Variants in MAP2K5 observed in about 807,000 individuals in gnomAD.
MAP2K5 encodes the protein dual specificity mitogen-activated protein kinase kinase 5.
MAP2K5 carries 49 observed loss-of-function variants against 83.1 expected under a neutral mutation model. The ratio of observed to expected loss-of-function variants is 0.59; its 90% CI spans 0.47 to 0.75. The LOEUF (loss-of-function observed/expected upper bound fraction) is 0.75, where lower values mean the gene tolerates loss of function less well. Among genes scored for constraint, MAP2K5 ranks in the 30% least tolerant of loss-of-function variants. The pLI is 0.00. For missense variants in MAP2K5, 457 were observed against 557.5 expected (o/e 0.82, Z 1.82); for synonymous variants, 202 against 191.8 (o/e 1.05, Z -0.44).
intron 9 of MAP2K5, among the ~76,000 whole-genome samples, chr15:67,634,540 T>A (rs2086555784): frequency 6.6e-6 from 1 of 152,112 alleles, no homozygotes; most frequent in Non-Finnish European, 1.5e-5. Flanking sequence ...AAGAGGGGTG[T>A]TGAAATACTC....
intron 16 of MAP2K5, among the ~76,000 whole-genome samples, chr15:67,707,043 G>A (rs1244611472): frequency 6.6e-6 from 1 of 152,144 alleles, no homozygotes; most frequent in Non-Finnish European, 1.5e-5. Context: ...AGCCTCCCGA[G>A]TAGCTGGGAC....
intron 3 of MAP2K5, among the ~76,000 whole-genome samples, chr15:67,564,786 G>T (rs1345045434): frequency 1.3e-5 from 2 of 152,194 alleles, no homozygotes; most frequent in Admixed American, 1.3e-4. Context: ...CACACACACA[G>T]ATGGGTTCTA....
chr15:67,696,729 G>C (rs1232134860), intron 15 of MAP2K5, among the ~76,000 whole-genome samples: 3 of 152,184 alleles, frequency 2.0e-5, no homozygotes, highest in Admixed American at 6.5e-5. Flanking sequence ...TGTAATCCCA[G>C]CACTTTGGGA....
intron 7 of MAP2K5, among the ~76,000 whole-genome samples, chr15:67,596,587 T>A (rs1031070062): frequency 6.6e-6 from 1 of 152,218 alleles, no homozygotes; most frequent in Non-Finnish European, 1.5e-5. Flanking sequence ...GAAACATAAA[T>A]GAGGCTGTGT....
At position 67,719,648 on chromosome 15, in the gene MAP2K5, C is replaced by A. The variant is rs2088906197; in HGVS notation, c.1045-8268C>A. On this transcript the variant is annotated intron_variant, in intron 16 of 21. Transcript: ENST00000178640. This position sits in a 1 kb window ranked among gnomAD's most constrained non-coding sequence, Gnocchi z 4.6. Reference sequence around the variant, plus strand: ...TGGGTAGAGTCTTCTAGGATTAACTCCTGACAGAAGAGGAGAAAAGGAGGA... The same window carrying A: ...TGGGTAGAGTCTTCTAGGATTAACTACTGACAGAAGAGGAGAAAAGGAGGA... 6.6e-6 allele frequency among the ~76,000 whole-genome samples: 1 copy of A among 152,068 alleles called. No homozygotes were observed. Among genetic ancestry groups the A allele is most frequent in the Non-Finnish European group, 1.5e-5 (1 of 68,004 alleles).
intron 19 of MAP2K5, among the ~76,000 whole-genome samples, chr15:67,761,993 G>A (rs1454969983): frequency 6.6e-6 from 1 of 152,170 alleles, no homozygotes; most frequent in Non-Finnish European, 1.5e-5. Flanking sequence ...CACTGTATAG[G>A]AACAAGGTAA....
intron 4 of MAP2K5, 104 bp from the exon 5 acceptor site, chr15:67,585,786 C>T: frequency 1.1e-6 from 1 of 950,118 alleles, no homozygotes; most frequent in African/African-American, 1.6e-5. Context: ...TCATTTCTCT[C>T]TGCTAATTTT....
Position 67,781,731 on chromosome 15 carries a change from A to G in MAP2K5, c.1242+8979A>G, listed in dbSNP as rs1194571663. On this transcript the variant is annotated intron_variant, in intron 21 of 21. Transcript: ENST00000178640. The surrounding 1 kb of genome is among the most constrained non-coding windows in gnomAD (Gnocchi z 4.0). ...TGACACAAATGAAAATGGAATTTTCAAATGTAACCCGATTGACTCTTAATT... is the reference window on the plus strand; with the variant it reads ...TGACACAAATGAAAATGGAATTTTCGAATGTAACCCGATTGACTCTTAATT... Among the ~76,000 whole-genome samples, 1 of 152,224 alleles carries G rather than the reference A, an allele frequency of 6.6e-6. No individual in the cohort carries two copies. Among genetic ancestry groups the G allele is most frequent in the Non-Finnish European group, 1.5e-5 (1 of 68,044 alleles).
intron 15 of MAP2K5, among the ~76,000 whole-genome samples, chr15:67,696,442 A>G (rs1444352027): frequency 6.6e-6 from 1 of 152,168 alleles, no homozygotes; most frequent in Admixed American, 6.5e-5. Context: ...AAAAATATTT[A>G]CTAGCTGACC....
At chr15:67,602,246 G>A (rs2085675109) in intron 8 of MAP2K5, among the ~76,000 whole-genome samples, 1 of 152,116 alleles carries the variant, frequency 6.6e-6, no homozygotes. Context: ...CTTAAGTTCA[G>A]GTACCCATAG....
In MAP2K5 at chr15:67,746,503, G is replaced by T. The variant is rs957811130; in HGVS notation, c.1075-1728G>T. On this transcript the variant is annotated intron_variant, in intron 17 of 21. Transcript: ENST00000178640. This position sits in a 1 kb window ranked among gnomAD's most constrained non-coding sequence, Gnocchi z 4.1. ...TCCATAGATATCTCATGTCATAGGA[G>T]AGGTTATCCAGGCTTTTCAGTATTT... Among the ~76,000 whole-genome samples, 2 of 152,020 alleles carry T rather than the reference G, an allele frequency of 1.3e-5. No individual in the cohort carries two copies. Among genetic ancestry groups the T allele is most frequent in the Non-Finnish European group, 2.9e-5 (2 of 68,012 alleles).
chr15:67,567,519 C>T (rs887839423), intron 3 of MAP2K5, among the ~76,000 whole-genome samples: 4 of 152,126 alleles, frequency 2.6e-5, no homozygotes, highest in Admixed American at 6.5e-5. Flanking sequence ...CGCCCGCCAC[C>T]GCGCCCGGCT....
At chr15:67,551,994 T>C (rs1247654050) in intron 2 of MAP2K5, among the ~76,000 whole-genome samples, 1 of 151,660 alleles carries the variant, frequency 6.6e-6, no homozygotes, top group African/African-American at 2.4e-5. Context: ...TATTGAAAGA[T>C]AGGATCTGAA....
In MAP2K5 at chr15:67,626,976, G is replaced by A. The variant is rs139434224; in HGVS notation, c.546-3912G>A. Among the ~76,000 whole-genome samples the A allele has an allele frequency of 3.4e-3, 511 of 148,744 alleles. 1 individual carries two copies. The highest frequency in any genetic ancestry group is 5.6e-3 in the Non-Finnish European group (376 of 66,888). ...GAGACAGAGTCTCGCTCTGTCACCC[G>A]GGCTGTAGTGGAGTGGTGAGATCAT... On this transcript the variant is annotated intron_variant, in intron 8 of 21. Transcript: ENST00000178640.
intron 17 of MAP2K5, among the ~76,000 whole-genome samples, chr15:67,739,460 ATATTTTTTTTTTTTTTTTTTTTTTTT>A (rs2089439629): frequency 5.0e-5 from 1 of 19,990 alleles, no homozygotes; most frequent in African/African-American, 2.7e-4. Context: ...ATATATATAT[ATATTTTTTTTTTTTTTTTTTTTTTTT>A]TTTTTTTTTT....
rs1288446353 is a variant in MAP2K5, at chr15:67,760,258, A to G, written c.1135-9344A>G. Reference sequence around the variant, plus strand: ...TTCTGTTCACTTATAATTATATTTAATTCATATTTATGAGTTGTCAGAAGG... The same window carrying G: ...TTCTGTTCACTTATAATTATATTTAGTTCATATTTATGAGTTGTCAGAAGG... On this transcript the variant is annotated intron_variant, in intron 19 of 21. Coordinates refer to ENST00000178640, the MANE Select transcript of MAP2K5 (RefSeq NM_145160.3). The surrounding 1 kb of genome is among the most constrained non-coding windows in gnomAD (Gnocchi z 4.1). 4.6e-5 allele frequency among the ~76,000 whole-genome samples: 7 copies of G among 152,354 alleles called. No individual in the cohort carries two copies. Among genetic ancestry groups the G allele is most frequent in the Admixed American group, 3.9e-4 (6 of 15,298 alleles).
chr15:67,758,933 G>A lies in MAP2K5; in HGVS notation c.1134+10332G>A, dbSNP rs530635080. On this transcript the variant is annotated intron_variant, in intron 19 of 21. Transcript: ENST00000178640. The surrounding 1 kb of genome is among the most constrained non-coding windows in gnomAD (Gnocchi z 4.7). ...CTGTGAAAGAAGACAACTTAGCATT[G>A]CAGACATGCTCAAAGGGCATACGTG... is the stretch of plus-strand genomic sequence containing the variant. 6.6e-6 allele frequency among the ~76,000 whole-genome samples: 1 copy of A among 152,308 alleles called. No individual in the cohort carries two copies. The highest frequency in any genetic ancestry group is 1.5e-5 in the Non-Finnish European group (1 of 68,028).
At chr15:67,547,538 C>T (rs2084421600) in intron 1 of MAP2K5, among the ~76,000 whole-genome samples, 1 of 151,102 alleles carries the variant, frequency 6.6e-6, no homozygotes, top group Non-Finnish European at 1.5e-5. Context: ...TCACTGCAAC[C>T]TCTGCCTCCC....
At position 67,584,672 on chromosome 15, in the gene MAP2K5, C is replaced by CTTTT. The variant is rs36111747; in HGVS notation, c.323-1197_323-1194dup. On this transcript the variant is annotated intron_variant, in intron 4 of 21. Coordinates refer to ENST00000178640, the MANE Select transcript of MAP2K5 (RefSeq NM_145160.3). ...TTGTAATTATTACCCATATCTTCTC[C>CTTTT]TTTTTTTTTTTTTTTTTTTTTTTTG... Among the ~76,000 whole-genome samples, 72 of 106,078 alleles carry CTTTT rather than the reference C, an allele frequency of 6.8e-4. 2 individuals carry two copies. Among genetic ancestry groups the CTTTT allele is most frequent in the African/African-American group, 1.8e-3 (44 of 24,936 alleles). 69.6% of individuals were successfully genotyped at this position (106,078 alleles called of 152,430 possible).
Sources: gnomAD v4.1 joint callset for allele counts (sites outside exome capture counted in the v4.1 genomes callset) on GRCh38, gnomAD v4.1.1 for gene constraint, Gnocchi (gnomAD v3.1) non-coding constraint, MANE v1.5 for transcripts, NCBI Gene and HGNC (gene_info 2026-07-23, HGNC 2026-07-21) for gene names.